Variants in VCL observed in about 807,000 individuals in gnomAD.
The protein encoded by VCL is epididymis luminal protein 114.
A neutral mutation model predicts 125.7 loss-of-function variants in VCL; 47 were observed. That is an observed-to-expected ratio of 0.37 (90% CI 0.30 to 0.48). VCL has a LOEUF of 0.48. VCL is among the 20% of genes least tolerant of loss of function. The pLI is 0.99. For synonymous variants in VCL, 458 were observed against 514.6 expected (o/e 0.89, Z 1.49); for missense variants, 1,069 against 1,455.5 (o/e 0.73, Z 4.32).
At chr10:74,090,002 C>T in intron 9 of VCL, 21 bp from the exon 10 acceptor site, 1 of 1,614,144 alleles carries the variant, frequency 6.2e-7, no homozygotes, top group Non-Finnish European at 8.5e-7. Context: ...CAGCGTGCTG[C>T]TTCTCCGTTT....
chr10:74,035,086 T>G (rs1185921552), intron 1 of VCL, among the ~76,000 whole-genome samples: 1 of 152,222 alleles, frequency 6.6e-6, no homozygotes, highest in South Asian at 2.1e-4. Flanking sequence ...ACATTTTTAA[T>G]GTAATGTTCT....
chr10:74,037,392 T>C (rs904493545), intron 1 of VCL, among the ~76,000 whole-genome samples: 6 of 152,362 alleles, frequency 3.9e-5, no homozygotes, highest in Admixed American at 6.5e-5. Context: ...TGTTCTCAAA[T>C]AGGACATACC....
intron 2 of VCL, among the ~76,000 whole-genome samples, chr10:74,051,028 C>T (rs1346757965): frequency 6.7e-6 from 1 of 150,008 alleles, no homozygotes; most frequent in Non-Finnish European, 1.5e-5. Context: ...CAACCTCCAC[C>T]TCCCAGGTTC....
rs1164299116 is a variant in VCL at position 74,087,377 on chromosome 10, G to A, written c.1023-1819G>A. 4.1e-4 allele frequency among the ~76,000 whole-genome samples: 52 copies of A among 128,372 alleles called. 1 individual carries two copies. The South Asian group carries it at 0.012, about 29-fold the overall frequency. 84.2% of individuals were successfully genotyped at this position (128,372 alleles called of 152,430 possible). ...TTTTCTTTTTTTGAGACGGAGTCTC[G>A]CTCTGTCGCCCAGGCTGGAGTGCAG... On this transcript the variant is annotated intron_variant, in intron 8 of 21. Coordinates refer to ENST00000211998, the MANE Select transcript of VCL (RefSeq NM_014000.3).
At chr10:74,040,873 T>C (rs1018654154) in intron 1 of VCL, among the ~76,000 whole-genome samples, 10 of 152,248 alleles carry the variant, frequency 6.6e-5, no homozygotes, top group African/African-American at 2.4e-4. Context: ...AGAGATTTTT[T>C]GAGACAGGGT....
At chr10:74,025,467 A>T (rs1428505260) in intron 1 of VCL, among the ~76,000 whole-genome samples, 2 of 151,932 alleles carry the variant, frequency 1.3e-5, no homozygotes, top group Admixed American at 1.3e-4. Flanking sequence ...TACAAAAATT[A>T]GCTGAGTGTG....
intron 5 of VCL, 47 bp from the exon 6 acceptor site, chr10:74,074,693 TACA>T: frequency 6.3e-7 from 1 of 1,597,544 alleles, no homozygotes; most frequent in Non-Finnish European, 8.5e-7. Flanking sequence ...AATATTGTTA[TACA>T]ACAAGATTAA....
chr10:74,087,762 G>A (rs1839810724), intron 8 of VCL, among the ~76,000 whole-genome samples: 1 of 151,832 alleles, frequency 6.6e-6, no homozygotes, highest in Non-Finnish European at 1.5e-5. Context: ...GATCTCTTGA[G>A]GTCGGAAGTT....
At chr10:74,114,732 G>T in intron 20 of VCL, 63 bp from the exon 21 acceptor site, 1 of 1,516,678 alleles carries the variant, frequency 6.6e-7, no homozygotes. Context: ...GGTAAGTCTT[G>T]CCTTCAAGGA....
intron 16 of VCL, among the ~76,000 whole-genome samples, chr10:74,106,472 A>T (rs1299213863): frequency 6.6e-6 from 1 of 151,936 alleles, no homozygotes; most frequent in East Asian, 1.9e-4. Context: ...CTTTAGGTGA[A>T]TTTTGATCAT....
At chr10:74,090,745 CAT>C (rs1331491272) in intron 10 of VCL, among the ~76,000 whole-genome samples, 2 of 152,078 alleles carry the variant, frequency 1.3e-5, no homozygotes, top group African/African-American at 4.8e-5. Flanking sequence ...TAAAGTCTCT[CAT>C]GGCACCTACT....
rs376519506 is a variant in VCL at position 74,032,443 on chromosome 10, AT to A, written c.169-10639del. Reference sequence around the variant, plus strand: ...CCAGGCACAGTGGCTCATGCCTATAATCCCAGCACTTTGGGAGGCCGAAGCA... The same window carrying A: ...CCAGGCACAGTGGCTCATGCCTATAACCCAGCACTTTGGGAGGCCGAAGCA... On this transcript the variant is annotated intron_variant, in intron 1 of 21. Coordinates refer to ENST00000211998, the MANE Select transcript of VCL (RefSeq NM_014000.3). Among the ~76,000 whole-genome samples the A allele has an allele frequency of 3.5e-3, 533 of 152,106 alleles. 3 individuals carry two copies. The highest frequency in any genetic ancestry group is 0.011 in the African/African-American group (471 of 41,502).
intron 21 of VCL, 83 bp downstream of exon 21, chr10:74,114,982 A>G (rs895667462): frequency 7.7e-7 from 1 of 1,292,556 alleles, no homozygotes; most frequent in African/African-American, 1.5e-5. Flanking sequence ...GGGAAATTTT[A>G]CCCCTTAATT....
intron 7 of VCL, 135 bp downstream of exon 7, chr10:74,082,679 G>A: frequency 1.1e-6 from 1 of 922,554 alleles, no homozygotes; most frequent in Non-Finnish European, 1.7e-6. Flanking sequence ...CCCATTATCT[G>A]ATAGTTCTGA....
chr10:74,001,208 C>T (rs1442183323), intron 1 of VCL, among the ~76,000 whole-genome samples: 2 of 152,138 alleles, frequency 1.3e-5, no homozygotes, highest in Non-Finnish European at 2.9e-5. Flanking sequence ...GGCCAGAGGA[C>T]CTACCCATTG....
intron 2 of VCL, among the ~76,000 whole-genome samples, chr10:74,048,583 G>A (rs73280444): frequency 8.5e-4 from 129 of 151,806 alleles, no homozygotes; most frequent in Non-Finnish European, 1.5e-3. Context: ...TTTCTTCTTC[G>A]TCATCATCAT....
chr10:74,047,738 G>T (rs963937434), intron 2 of VCL, among the ~76,000 whole-genome samples: 14 of 152,166 alleles, frequency 9.2e-5, no homozygotes, highest in Admixed American at 3.3e-4. Context: ...TTCAGGGAAA[G>T]ATATGATACT....
At chr10:74,029,613 G>A (rs942932024) in intron 1 of VCL, among the ~76,000 whole-genome samples, 1 of 152,198 alleles carries the variant, frequency 6.6e-6, no homozygotes, top group Non-Finnish European at 1.5e-5. Context: ...AGGAAACTAT[G>A]TGGCATCAGA....
At chr10:74,025,823 C>T (rs1037199156) in intron 1 of VCL, among the ~76,000 whole-genome samples, 2 of 151,998 alleles carry the variant, frequency 1.3e-5, no homozygotes, top group African/African-American at 4.8e-5. Context: ...ACCCGAGGTT[C>T]ATTGCTGGAA....
Sources: gnomAD v4.1 joint callset for allele counts (sites outside exome capture counted in the v4.1 genomes callset) on GRCh38, gnomAD v4.1.1 for gene constraint, MANE v1.5 for transcripts, NCBI Gene and HGNC (gene_info 2026-07-23, HGNC 2026-07-21) for gene names.